PPFIA2: variants seen among roughly 807,000 people sequenced by gnomAD.
The protein encoded by PPFIA2 is PPFI scaffold protein A2.
In PPFIA2, 46 loss-of-function variants were observed where a neutral mutation model predicts 175.5. That is an observed-to-expected ratio of 0.26 (90% CI 0.21 to 0.34). The LOEUF is 0.34. PPFIA2 is among the 10% of genes least tolerant of loss of function. PPFIA2 has a pLI of 1.00. For synonymous variants in PPFIA2, 568 were observed against 511.4 expected (o/e 1.11, Z -1.49); for missense variants, 1,179 against 1,506.1 (o/e 0.78, Z 3.60).
chr12:81,400,792 G>A (rs935749965), intron 8 of PPFIA2, among the ~76,000 whole-genome samples: 7 of 152,142 alleles, frequency 4.6e-5, no homozygotes, highest in African/African-American at 1.7e-4. Context: ...AAACAGGCCT[G>A]GGAGGCGAGA....
At chr12:81,627,463 T>A (rs897811174) in intron 4 of PPFIA2, among the ~76,000 whole-genome samples, 1 of 152,168 alleles carries the variant, frequency 6.6e-6, no homozygotes, top group African/African-American at 2.4e-5. Flanking sequence ...ACAAAGAATG[T>A]CACTCTCCTA....
At chr12:81,349,859 G>T (rs753046676) in intron 17 of PPFIA2, among the ~76,000 whole-genome samples, 8 of 152,152 alleles carry the variant, frequency 5.3e-5, no homozygotes, top group Non-Finnish European at 8.8e-5. Context: ...GAATCAGCGA[G>T]CTGTGAAGAC....
chr12:81,562,958 T>G (rs2070498779), intron 4 of PPFIA2, among the ~76,000 whole-genome samples: 1 of 151,662 alleles, frequency 6.6e-6, no homozygotes, highest in African/African-American at 2.4e-5. Flanking sequence ...TTCAGGATAT[T>G]AGGCAAGGAA....
At chr12:81,716,888 C>T (rs1296608336) in intron 3 of PPFIA2, among the ~76,000 whole-genome samples, 1 of 150,120 alleles carries the variant, frequency 6.7e-6, no homozygotes, top group Non-Finnish European at 1.5e-5. Context: ...CAGCTGGTAA[C>T]CAGAAAAAAG....
At chr12:81,366,852 A>G (rs1356383831) in intron 14 of PPFIA2, among the ~76,000 whole-genome samples, 1 of 151,782 alleles carries the variant, frequency 6.6e-6, no homozygotes, top group African/African-American at 2.4e-5. Flanking sequence ...TTATCCTTTA[A>G]TGGAAGAGTA....
At chr12:81,338,551 T>C (rs1363256208) in intron 21 of PPFIA2, among the ~76,000 whole-genome samples, 1 of 152,000 alleles carries the variant, frequency 6.6e-6, no homozygotes, top group Non-Finnish European at 1.5e-5. Context: ...CCACATCCAT[T>C]CCTCAACTAT....
chr12:81,399,290 CAAA>C (rs543794696), intron 8 of PPFIA2, among the ~76,000 whole-genome samples: 82 of 42,010 alleles, frequency 2.0e-3, no homozygotes, highest in African/African-American at 5.3e-3. Flanking sequence ...TCCTTCTTCA[CAAA>C]AAAAAAAAAA....
chr12:81,314,604 G>A (rs1197875242), intron 22 of PPFIA2, among the ~76,000 whole-genome samples: 2 of 151,838 alleles, frequency 1.3e-5, no homozygotes, highest in African/African-American at 4.8e-5. Context: ...TTCAAAATGA[G>A]AGCCTTCAAC....
chr12:81,332,714 T>C (rs1289660034), intron 21 of PPFIA2, among the ~76,000 whole-genome samples: 1 of 152,182 alleles, frequency 6.6e-6, no homozygotes, highest in Non-Finnish European at 1.5e-5. Flanking sequence ...AGGAACTCAA[T>C]GAAGTATTTT....
intron 4 of PPFIA2, among the ~76,000 whole-genome samples, chr12:81,614,992 C>T (rs147937648): frequency 0.013 from 1,909 of 152,230 alleles, 25 homozygotes; most frequent in Middle Eastern, 0.054. Context: ...AAAATTACAT[C>T]TTGGTACTGC....
intron 4 of PPFIA2, among the ~76,000 whole-genome samples, chr12:81,567,446 A>G (rs571432459): frequency 6.6e-6 from 1 of 152,264 alleles, no homozygotes; most frequent in East Asian, 1.9e-4. Flanking sequence ...GCCTTTAGAT[A>G]GTTTTAGAAT....
intron 4 of PPFIA2, among the ~76,000 whole-genome samples, chr12:81,544,129 G>T (rs1217455695): frequency 2.0e-5 from 3 of 152,104 alleles, no homozygotes; most frequent in Non-Finnish European, 4.4e-5. Context: ...CCATACCAAT[G>T]TAAGATGTTA....
chr12:81,548,992 T>A (rs993819585), intron 4 of PPFIA2, among the ~76,000 whole-genome samples: 2 of 152,108 alleles, frequency 1.3e-5, no homozygotes, highest in African/African-American at 4.8e-5. Flanking sequence ...GGTAAGCTTT[T>A]TATTAGCAAA....
At chr12:81,362,516 TA>T (rs1423187515) in intron 15 of PPFIA2, among the ~76,000 whole-genome samples, 176 bp downstream of exon 15, 1 of 151,582 alleles carries the variant, frequency 6.6e-6, no homozygotes, top group Non-Finnish European at 1.5e-5. Flanking sequence ...AAATAATCTC[TA>T]AGTTAAAAAG....
At chr12:81,299,811 C>T (rs756500150) in intron 22 of PPFIA2, among the ~76,000 whole-genome samples, 1 of 152,200 alleles carries the variant, frequency 6.6e-6, no homozygotes, top group Non-Finnish European at 1.5e-5. Flanking sequence ...TATAGAGAGG[C>T]AGAAGATAAA....
intron 6 of PPFIA2, among the ~76,000 whole-genome samples, chr12:81,444,039 A>T (rs1464668931): frequency 6.6e-6 from 1 of 150,600 alleles, no homozygotes; most frequent in Non-Finnish European, 1.5e-5. Flanking sequence ...TATTTTTAGT[A>T]GAGGTGGGGT....
At chr12:81,728,060 T>C (rs751845578) in intron 3 of PPFIA2, among the ~76,000 whole-genome samples, 1 of 151,486 alleles carries the variant, frequency 6.6e-6, no homozygotes, top group Non-Finnish European at 1.5e-5. Context: ...TTGATTAATA[T>C]GATGAATGTG....
chr12:81,385,412 T>A (rs901974560), intron 8 of PPFIA2, among the ~76,000 whole-genome samples: 2 of 152,146 alleles, frequency 1.3e-5, no homozygotes, highest in African/African-American at 4.8e-5. Context: ...CTATGTTCAA[T>A]GCAAAATTAT....
At chr12:81,451,695 C>A (rs778727413) in intron 5 of PPFIA2, among the ~76,000 whole-genome samples, 3 of 151,998 alleles carry the variant, frequency 2.0e-5, no homozygotes, top group Non-Finnish European at 2.9e-5. Flanking sequence ...TCACTTATCC[C>A]CAATACCAAG....
Sources: gnomAD v4.1 joint callset for allele counts (sites outside exome capture counted in the v4.1 genomes callset) on GRCh38, gnomAD v4.1.1 for gene constraint, MANE v1.5 for transcripts, NCBI Gene and HGNC (gene_info 2026-07-23, HGNC 2026-07-21) for gene names.